UBAC2: variants seen among roughly 807,000 people sequenced by gnomAD.
The protein encoded by UBAC2 is ubiquitin-associated domain-containing protein 2.
Under a neutral mutation model 44.0 loss-of-function variants are expected in UBAC2, and 26 were observed. The ratio of observed to expected loss-of-function variants is 0.59; its 90% CI spans 0.43 to 0.82. UBAC2 has a LOEUF of 0.82. UBAC2 is among the 40% of genes least tolerant of loss of function. UBAC2 has a pLI of 0.00. For synonymous variants in UBAC2, 155 were observed against 154.3 expected, an observed-to-expected ratio of 1.00 and a Z score of -0.04; for missense variants, 329 against 419.4, an observed-to-expected ratio of 0.78 and a Z score of 1.88.
At position 99,347,328 on chromosome 13, in the gene UBAC2, C is replaced by G. The variant is rs796175256; in HGVS notation, c.807+6763C>G. ...GTTACTATCCCCGGGCGCCCCCCCC[C>G]CCCCCCAGGAAAAAAAAGGCAAGTG... is the stretch of plus-strand genomic sequence containing the variant. On this transcript the variant is annotated intron_variant, in intron 7 of 8. Transcript: ENST00000403766. 1.0e-3 allele frequency among the ~76,000 whole-genome samples: 86 copies of G among 83,860 alleles called. 7 individuals carry two copies. The highest frequency in any genetic ancestry group is 2.5e-3 in the African/African-American group (74 of 29,912). The allele number at this position is 83,860 out of a possible 152,430, so 55.0% of individuals were successfully genotyped here.
chr13:99,329,497 T>C (rs750018249), intron 6 of UBAC2, among the ~76,000 whole-genome samples: 15 of 152,200 alleles, frequency 9.9e-5, no homozygotes, highest in Admixed American at 3.3e-4. Context: ...GTGATACTTA[T>C]AATGAATAGA....
At chr13:99,296,994 A>G (rs2044185339) in intron 4 of UBAC2, among the ~76,000 whole-genome samples, 1 of 152,166 alleles carries the variant, frequency 6.6e-6, no homozygotes, top group Non-Finnish European at 1.5e-5. Flanking sequence ...AAACATCTTC[A>G]TGTCAGTGCA....
chr13:99,316,713 A>C (rs2044496693), intron 5 of UBAC2, among the ~76,000 whole-genome samples: 1 of 152,168 alleles, frequency 6.6e-6, no homozygotes, highest in Non-Finnish European at 1.5e-5. Flanking sequence ...AACCCAGAGG[A>C]AATTACTTTT....
At chr13:99,330,475 A>AAAAAAAAAAAAAAAAAAAAAAAT in intron 6 of UBAC2, among the ~76,000 whole-genome samples, 1 of 149,410 alleles carries the variant, frequency 6.7e-6, no homozygotes, top group South Asian at 2.1e-4. Flanking sequence ...AAAAAAAAAA[A>AAAAAAAAAAAAAAAAAAAAAAAT]AGAAATACAG....
intron 6 of UBAC2, among the ~76,000 whole-genome samples, chr13:99,335,160 G>C (rs1329703811): frequency 6.6e-6 from 1 of 152,192 alleles, no homozygotes; most frequent in Non-Finnish European, 1.5e-5. Flanking sequence ...AACAATCACA[G>C]TTGAATACTT....
At chr13:99,275,220 G>T (rs2043867237) in intron 4 of UBAC2, among the ~76,000 whole-genome samples, 1 of 152,188 alleles carries the variant, frequency 6.6e-6, no homozygotes, top group African/African-American at 2.4e-5. Flanking sequence ...TACTCAGGAT[G>T]TCAGGGACCA....
intron 7 of UBAC2, among the ~76,000 whole-genome samples, chr13:99,345,747 T>C (rs1029029428): frequency 5.4e-5 from 8 of 148,584 alleles, no homozygotes; most frequent in East Asian, 3.9e-4. Flanking sequence ...CTTTCTTTTT[T>C]TTTTTTTTTT....
At chr13:99,274,092 C>G (rs796089797) in intron 4 of UBAC2, among the ~76,000 whole-genome samples, 24 of 152,244 alleles carry the variant, frequency 1.6e-4, no homozygotes, top group African/African-American at 5.3e-4. Context: ...AAAAGGTCCA[C>G]TTTTGCTACC....
chr13:99,218,494 C>G (rs1566451923), intron 1 of UBAC2, among the ~76,000 whole-genome samples: 1 of 145,466 alleles, frequency 6.9e-6, no homozygotes, highest in Non-Finnish European at 1.5e-5. Flanking sequence ...CTTTCCTGAC[C>G]TTTTTTTTTT....
rs537873092 is a variant in UBAC2, at chr13:99,207,002, ACT to A, written c.31+6066_31+6067del. On this transcript the variant is annotated intron_variant, in intron 1 of 8. Coordinates refer to ENST00000403766, the MANE Select transcript of UBAC2 (RefSeq NM_001144072.2). ...GAGGCCCACCCTCCACCGATTCTGAACTCTTTCTTCCCTGTCTTTTCTAGCAC... is the reference window on the plus strand; with the variant it reads ...GAGGCCCACCCTCCACCGATTCTGAACTTTCTTCCCTGTCTTTTCTAGCAC... 1.3e-4 allele frequency among the ~76,000 whole-genome samples: 20 copies of A among 151,890 alleles called. No individual in the cohort carries two copies. In the East Asian group the frequency reaches 3.7e-3, roughly 28 times the overall value.
intron 4 of UBAC2, 64 bp from the exon 5 acceptor site, chr13:99,314,033 A>G (rs2044450734): frequency 6.8e-7 from 1 of 1,480,630 alleles, no homozygotes; most frequent in Non-Finnish European, 9.2e-7. Flanking sequence ...TACTTCAAAG[A>G]TACATCTGCC....
intron 4 of UBAC2, among the ~76,000 whole-genome samples, chr13:99,248,008 T>G (rs1269180559): frequency 6.6e-6 from 1 of 152,182 alleles, no homozygotes; most frequent in East Asian, 1.9e-4. Context: ...TCTCGTTGTT[T>G]CATGAAACCA....
chr13:99,315,896 C>T (rs994212752), intron 5 of UBAC2, among the ~76,000 whole-genome samples: 3 of 151,848 alleles, frequency 2.0e-5, no homozygotes, highest in East Asian at 1.9e-4. Flanking sequence ...GCATGGCCTT[C>T]ATCACGGGGC....
chr13:99,352,231 G>A (rs75449415), intron 7 of UBAC2, among the ~76,000 whole-genome samples: 1,699 of 152,142 alleles, frequency 0.011, 39 homozygotes, highest in African/African-American at 0.039. Flanking sequence ...TCACCCCCTC[G>A]AAGTGTACAG....
chr13:99,243,529 A>T (rs1272725524), intron 2 of UBAC2, among the ~76,000 whole-genome samples: 2 of 152,156 alleles, frequency 1.3e-5, no homozygotes, highest in Non-Finnish European at 2.9e-5. Context: ...ATATAATTTT[A>T]AAAAATCTTA....
chr13:99,212,354 A>C (rs146907202), intron 1 of UBAC2, among the ~76,000 whole-genome samples: 3 of 152,250 alleles, frequency 2.0e-5, no homozygotes, highest in African/African-American at 7.2e-5. Flanking sequence ...ATTATAAAGT[A>C]ATCCTTATTT....
At chr13:99,292,442 G>C (rs1234314565) in intron 4 of UBAC2, among the ~76,000 whole-genome samples, 3 of 152,002 alleles carry the variant, frequency 2.0e-5, no homozygotes, top group African/African-American at 7.2e-5. Flanking sequence ...GCGCCCAGCT[G>C]GGGTTATATT....
At chr13:99,302,771 A>G (rs2044275440) in intron 4 of UBAC2, among the ~76,000 whole-genome samples, 1 of 152,202 alleles carries the variant, frequency 6.6e-6, no homozygotes, top group African/African-American at 2.4e-5. Context: ...CTTCATTAGT[A>G]AAGTCAAATT....
chr13:99,238,286 G>C (rs567915245), intron 1 of UBAC2, 141 bp from the exon 2 acceptor site: 32 of 1,089,546 alleles, frequency 2.9e-5, no homozygotes, highest in African/African-American at 4.7e-5. Context: ...TTTGAAAGTG[G>C]ATATTAGAAC....
Sources: allele counts gnomAD v4.1 joint callset (sites outside exome capture counted in the v4.1 genomes callset), GRCh38; gene constraint gnomAD v4.1.1; transcripts MANE v1.5; gene names NCBI Gene and HGNC (gene_info 2026-07-23, HGNC 2026-07-21).